The following CDON variants were observed in gnomAD, a reference collection of about 807,000 sequenced individuals.
CDON encodes the protein cell adhesion associated, oncogene regulated.
In CDON, 73 loss-of-function variants were observed where a neutral mutation model predicts 120.9. The ratio of observed to expected loss-of-function variants is 0.60; its 90% CI spans 0.50 to 0.73. The LOEUF is 0.73. Among genes scored for constraint, CDON ranks in the 30% least tolerant of loss-of-function variants. CDON has a pLI of 0.00. For synonymous variants in CDON, 566 were observed against 573.5 expected (o/e 0.99, Z 0.19); for missense variants, 1,470 against 1,587.3 (o/e 0.93, Z 1.26).
chr11:126,038,015 C>A (rs747317597), intron 1 of CDON, among the ~76,000 whole-genome samples: 1 of 152,054 alleles, frequency 6.6e-6, no homozygotes, highest in African/African-American at 2.4e-5. Context: ...TATCCAAAGT[C>A]GACAAAATTT....
At chr11:126,038,647 C>T (rs1013163450) in intron 1 of CDON, among the ~76,000 whole-genome samples, 4 of 150,890 alleles carry the variant, frequency 2.7e-5, no homozygotes, top group East Asian at 1.9e-4. Context: ...AGCGAAACTC[C>T]GTCTCAAAAT....
At chr11:126,027,358 A>G (rs1023056398) in intron 1 of CDON, among the ~76,000 whole-genome samples, 4 of 152,212 alleles carry the variant, frequency 2.6e-5, no homozygotes, top group Admixed American at 2.6e-4. Flanking sequence ...ATCACAGTAT[A>G]TCCATTAGTA....
chr11:125,964,316 T>C (rs1380785167), intron 18 of CDON, among the ~76,000 whole-genome samples: 1 of 152,228 alleles, frequency 6.6e-6, no homozygotes, highest in Admixed American at 6.5e-5. Flanking sequence ...ATTTGCTAAA[T>C]ACCTTCCTTA....
In CDON at chr11:126,005,991, C is replaced by G. The variant is rs148304849; in HGVS notation, c.1619G>C (p.Arg540Thr). ...AGTTTCTGAACCATCTCTCTTACTT[C>G]TGTCATCATTCTGAGCAGCATCAGG... ...TLPDAAQNDDRSKRDGSETGL... is the reference protein window; with the variant it reads ...TLPDAAQNDDTSKRDGSETGL... The change falls in exon 9 of 20, where the codon AGA (arginine) becomes ACA (threonine). Residue 540 changes from arginine (R) to threonine (T), a missense_variant. Transcript: ENST00000531738. 53 of 1,614,022 alleles carry G rather than the reference C, an allele frequency of 3.3e-5. No homozygotes were observed. The highest frequency in any genetic ancestry group is 3.6e-5 in the Non-Finnish European group (43 of 1,180,014).
intron 1 of CDON, among the ~76,000 whole-genome samples, chr11:126,037,748 GGATTTATCT>G (rs1948139828): frequency 6.6e-6 from 1 of 152,018 alleles, no homozygotes; most frequent in African/African-American, 2.4e-5. Flanking sequence ...TAGTCTAAAT[GGATTTATCT>G]CCTTTTCCCA....
chr11:126,041,836 C>T (rs1206511891), intron 1 of CDON, among the ~76,000 whole-genome samples: 1 of 152,160 alleles, frequency 6.6e-6, no homozygotes, highest in African/African-American at 2.4e-5. Flanking sequence ...TGAGGTTAAT[C>T]CAGCTTGCAT....
chr11:126,028,959 C>G lies in CDON; in HGVS notation c.-61-5422G>C, dbSNP rs1011513787. 5.3e-4 allele frequency among the ~76,000 whole-genome samples: 80 copies of G among 151,854 alleles called. 1 individual carries two copies. The highest frequency in any genetic ancestry group is 1.8e-3 in the African/African-American group (74 of 41,312). Reference sequence around the variant, plus strand: ...ATTTTTAGGAATAGAATTATTGGATCAGGGAGTGCAAACATTTTCAAGACT... The same window carrying G: ...ATTTTTAGGAATAGAATTATTGGATGAGGGAGTGCAAACATTTTCAAGACT... On this transcript the variant is annotated intron_variant, in intron 1 of 19. Transcript: ENST00000531738.
chr11:126,011,591 T>TTCAAG (rs773976174), intron 7 of CDON, among the ~76,000 whole-genome samples: 10 of 152,364 alleles, frequency 6.6e-5, no homozygotes, highest in Admixed American at 1.3e-4. Flanking sequence ...TCTGCAGTGA[T>TTCAAG]TCGGAGTTCT....
At chr11:125,963,265 A>C (rs1032987264) in intron 18 of CDON, among the ~76,000 whole-genome samples, 3 of 152,164 alleles carry the variant, frequency 2.0e-5, no homozygotes, top group African/African-American at 7.2e-5. Context: ...TGATCAAGCT[A>C]TTCTACCATT....
chr11:125,969,446 T>A (rs547036672), intron 18 of CDON, among the ~76,000 whole-genome samples: 5 of 152,214 alleles, frequency 3.3e-5, no homozygotes, highest in African/African-American at 1.2e-4. Flanking sequence ...TGCAAACATA[T>A]GACATTCAAT....
At chr11:125,985,427 G>A (rs1459734752) in intron 15 of CDON, among the ~76,000 whole-genome samples, 2 of 152,154 alleles carry the variant, frequency 1.3e-5, no homozygotes, top group Non-Finnish European at 2.9e-5. Context: ...TGATCCGCCC[G>A]CCTTGGCCTC....
At chr11:126,022,035 G>A (rs1281511550) in intron 2 of CDON, among the ~76,000 whole-genome samples, 3 of 150,570 alleles carry the variant, frequency 2.0e-5, no homozygotes, top group Non-Finnish European at 3.0e-5. Flanking sequence ...CCAGGAGGTG[G>A]AGGCTGCAGT....
In CDON at chr11:126,032,252, A is replaced by G. The variant is rs181094230; in HGVS notation, c.-61-8715T>C. Among the ~76,000 whole-genome samples the G allele has an allele frequency of 4.0e-3, 610 of 151,862 alleles. 4 individuals carry two copies. The highest frequency in any genetic ancestry group is 0.014 in the African/African-American group (573 of 41,184). On this transcript the variant is annotated intron_variant, in intron 1 of 19. Coordinates refer to ENST00000531738, the MANE Select transcript of CDON (RefSeq NM_001378964.1). ...ACTTGGAGAGGTGAAGACTTCTCAG[A>G]GGAAACAACTGACTAGGTGAAATCA...
At chr11:125,978,632 C>T (rs967405550) in intron 17 of CDON, among the ~76,000 whole-genome samples, 11 of 152,170 alleles carry the variant, frequency 7.2e-5, no homozygotes, top group African/African-American at 1.9e-4. Flanking sequence ...TGTTTTCCTA[C>T]GTATTTCTGT....
intron 3 of CDON, among the ~76,000 whole-genome samples, chr11:126,020,249 C>T (rs143932548): frequency 6.6e-6 from 1 of 152,028 alleles, no homozygotes; most frequent in Non-Finnish European, 1.5e-5. Context: ...CAATCCAGTG[C>T]CCCATCAAAA....
intron 15 of CDON, among the ~76,000 whole-genome samples, chr11:125,984,714 A>T (rs1341894263): frequency 7.1e-6 from 1 of 141,524 alleles, no homozygotes; most frequent in Middle Eastern, 3.4e-3. Context: ...AAAAAAAAAA[A>T]GTATTTCTAC....
chr11:125,968,425 AG>A (rs1278951176), intron 18 of CDON, among the ~76,000 whole-genome samples: 3 of 152,344 alleles, frequency 2.0e-5, no homozygotes, highest in Non-Finnish European at 4.4e-5. Context: ...CACATGGGGC[AG>A]GACTGGAGGA....
intron 18 of CDON, among the ~76,000 whole-genome samples, chr11:125,963,371 C>T (rs994722776): frequency 6.6e-6 from 1 of 152,064 alleles, no homozygotes; most frequent in African/African-American, 2.4e-5. Flanking sequence ...TTGATTTGGA[C>T]ATGTTAGGTA....
rs930416175 is a variant in CDON, at chr11:126,001,948, A to C, written c.2027-98T>G. ...GAAACTTACCTGGTATGTGGTTATA[A>C]ATTTATGAACTTATCAGACACAGCA... is the stretch of plus-strand genomic sequence containing the variant. On this transcript the variant is annotated intron_variant, in intron 10 of 19. Transcript: ENST00000531738. The C allele has an allele frequency of 6.7e-6, 6 of 894,684 alleles. No individual in the cohort carries two copies. The African/African-American group carries it at 9.9e-5, about 15-fold the overall frequency. The allele number at this position is 894,684 out of a possible 1,614,324, so 55.4% of individuals were successfully genotyped here. A position where few individuals can be genotyped will look rare whatever the true frequency, so the allele number is the denominator to read the frequency against.
Sources: gnomAD v4.1 joint callset for allele counts (sites outside exome capture counted in the v4.1 genomes callset) on GRCh38, gnomAD v4.1.1 for gene constraint, MANE v1.5 for transcripts, NCBI Gene and HGNC (gene_info 2026-07-23, HGNC 2026-07-21) for gene names.